PRKCE: variants seen among roughly 807,000 people sequenced by gnomAD.
PRKCE encodes protein kinase C epsilon type.
In PRKCE, 16 loss-of-function variants were observed where a neutral mutation model predicts 85.4. The ratio of observed to expected loss-of-function variants is 0.19; its 90% CI spans 0.13 to 0.28. The LOEUF (loss-of-function observed/expected upper bound fraction) is 0.28. Ranked by LOEUF, PRKCE falls within the 10% of genes least tolerant of loss-of-function variation. PRKCE has a pLI of 1.00. For synonymous variants in PRKCE, 388 were observed against 371.5 expected, an observed-to-expected ratio of 1.04 and a Z score of -0.51; for missense variants, 573 against 975.2, an observed-to-expected ratio of 0.59 and a Z score of 5.49.
At chr2:45,789,121 G>A (rs1247912313) in intron 1 of PRKCE, among the ~76,000 whole-genome samples, 3 of 152,094 alleles carry the variant, frequency 2.0e-5, no homozygotes, top group Non-Finnish European at 4.4e-5. Context: ...GGTTCTTGGT[G>A]GGGGAAGGTG....
At chr2:46,058,240 C>T (rs982304395) in intron 10 of PRKCE, among the ~76,000 whole-genome samples, 1 of 152,212 alleles carries the variant, frequency 6.6e-6, no homozygotes, top group Non-Finnish European at 1.5e-5. Context: ...AGGCTTCCCT[C>T]TTGGCAGGAC....
At chr2:46,088,556 A>G (rs534473690) in intron 11 of PRKCE, among the ~76,000 whole-genome samples, 28 of 152,098 alleles carry the variant, frequency 1.8e-4, no homozygotes, top group Non-Finnish European at 3.4e-4. Context: ...TAAACCTTCA[A>G]TCTTCCTTTA....
chr2:46,134,289 G>A (rs1015547801), intron 11 of PRKCE, among the ~76,000 whole-genome samples: 1 of 152,162 alleles, frequency 6.6e-6, no homozygotes, highest in Non-Finnish European at 1.5e-5. Context: ...CCCTTGTGGA[G>A]GATAGACACT....
chr2:45,831,109 A>G (rs1690387325), intron 1 of PRKCE, among the ~76,000 whole-genome samples: 1 of 152,218 alleles, frequency 6.6e-6, no homozygotes, highest in Non-Finnish European at 1.5e-5. Flanking sequence ...AATGCTGGGA[A>G]GACTCAAAGA....
At chr2:45,736,661 C>T (rs1386751291) in intron 1 of PRKCE, among the ~76,000 whole-genome samples, 1 of 152,204 alleles carries the variant, frequency 6.6e-6, no homozygotes, top group Non-Finnish European at 1.5e-5. Context: ...TGGGGCTATC[C>T]TCATTCCTCT....
chr2:45,901,102 A>G (rs1696546643), intron 2 of PRKCE, among the ~76,000 whole-genome samples: 2 of 152,250 alleles, frequency 1.3e-5, no homozygotes, highest in South Asian at 2.1e-4. Flanking sequence ...ATGAGCAGAA[A>G]TGATTTGATA....
chr2:45,829,472 G>A (rs1690222679), intron 1 of PRKCE, among the ~76,000 whole-genome samples: 1 of 152,186 alleles, frequency 6.6e-6, no homozygotes, highest in South Asian at 2.1e-4. Flanking sequence ...AAAGGGGGAA[G>A]TCTGTATTAA....
At chr2:45,742,273 C>A (rs1322659110) in intron 1 of PRKCE, among the ~76,000 whole-genome samples, 1 of 151,918 alleles carries the variant, frequency 6.6e-6, no homozygotes, top group South Asian at 2.1e-4. Context: ...AAACACCACA[C>A]AACTGGATTA....
At chr2:45,971,069 T>C (rs2104493935) in intron 2 of PRKCE, among the ~76,000 whole-genome samples, 1 of 152,280 alleles carries the variant, frequency 6.6e-6, no homozygotes, top group Non-Finnish European at 1.5e-5. Flanking sequence ...AAGTATACAA[T>C]GCAGTGTGTT....
intron 2 of PRKCE, among the ~76,000 whole-genome samples, chr2:45,873,117 G>A (rs931503341): frequency 3.9e-5 from 6 of 152,186 alleles, no homozygotes; most frequent in African/African-American, 9.6e-5. Flanking sequence ...AAACTGGAGC[G>A]ATGGCTCTCA....
At chr2:45,893,129 A>G (rs1349811519) in intron 2 of PRKCE, among the ~76,000 whole-genome samples, 1 of 152,152 alleles carries the variant, frequency 6.6e-6, no homozygotes, top group African/African-American at 2.4e-5. Flanking sequence ...ATGAGAAGGG[A>G]AAGTTAGGAA....
chr2:45,681,190 G>A (rs1356909102), intron 1 of PRKCE, among the ~76,000 whole-genome samples: 1 of 148,124 alleles, frequency 6.8e-6, no homozygotes, highest in Non-Finnish European at 1.5e-5. Flanking sequence ...TCGGGAGGCT[G>A]AGGCAGGAGA....
In PRKCE at chr2:46,145,676, G is replaced by T. The variant is rs55993112; in HGVS notation, c.1731+445G>T. On this transcript the variant is annotated intron_variant, in intron 12 of 14. Coordinates refer to ENST00000306156, the MANE Select transcript of PRKCE (RefSeq NM_005400.3). This position sits in a 1 kb window ranked among gnomAD's most constrained non-coding sequence, Gnocchi z 4.6. ...TGAGCCCAGGAGTTCAAGACCAGCCGGGGCAACATGGTGAAACCCTGTCTA... is the reference window on the plus strand; with the variant it reads ...TGAGCCCAGGAGTTCAAGACCAGCCTGGGCAACATGGTGAAACCCTGTCTA... 0.16 allele frequency among the ~76,000 whole-genome samples: 23,957 copies of T among 152,006 alleles called. 2,034 individuals carry two copies. Among genetic ancestry groups the T allele is most frequent in the Middle Eastern group, 0.27 (80 of 294 alleles).
chr2:46,117,995 C>G (rs1366657883), intron 11 of PRKCE, among the ~76,000 whole-genome samples: 2 of 152,150 alleles, frequency 1.3e-5, no homozygotes, highest in Non-Finnish European at 2.9e-5. Flanking sequence ...ATTTGTTCAC[C>G]TCTAAGATCT....
chr2:46,001,534 G>C lies in PRKCE; in HGVS notation c.954G>C (p.Gln318His). The change falls in exon 7 of 15, where the codon CAG (glutamine) becomes CAC (histidine). Residue 318 changes from glutamine to histidine, a missense_variant. Around this residue, in one of 11 missense-constraint regions of PRKCE, gnomAD observed 55 missense variants for 128.1 expected, o/e 0.43. Transcript: ENST00000306156. This position sits in a 1 kb window ranked among gnomAD's most constrained non-coding sequence, Gnocchi z 4.4. ...CAGACAAAATCACCAACAGCGGCCA[G>C]AGAAGGAAAAAGGTAACTGGCTGTT... Reference protein sequence around the residue: ...VTPDKITNSGQRRKKLIAGAE... With the variant: ...VTPDKITNSGHRRKKLIAGAE... The C allele has an allele frequency of 1.3e-6, 2 of 1,598,696 alleles. No individual in the cohort carries two copies. Among genetic ancestry groups the C allele is most frequent in the Middle Eastern group, 1.7e-4 (1 of 6,054 alleles).
chr2:45,948,133 C>G (rs1488190167), intron 2 of PRKCE, among the ~76,000 whole-genome samples: 6 of 152,308 alleles, frequency 3.9e-5, no homozygotes, highest in African/African-American at 1.4e-4. Context: ...AGAACAATCA[C>G]TTATTAGTGT....
At chr2:46,061,575 A>G (rs1667127861) in intron 10 of PRKCE, among the ~76,000 whole-genome samples, 1 of 152,168 alleles carries the variant, frequency 6.6e-6, no homozygotes, top group African/African-American at 2.4e-5. Flanking sequence ...CTTCCTTAAT[A>G]TGAATCCTGC....
intron 1 of PRKCE, among the ~76,000 whole-genome samples, chr2:45,749,133 GC>G (rs1466112395): frequency 6.6e-6 from 1 of 152,120 alleles, no homozygotes; most frequent in Non-Finnish European, 1.5e-5. Flanking sequence ...CAAGTGATCT[GC>G]TCACCTCAGC....
chr2:45,853,244 T>C (rs1488910181), intron 2 of PRKCE, among the ~76,000 whole-genome samples: 3 of 152,178 alleles, frequency 2.0e-5, no homozygotes, highest in Admixed American at 2.0e-4. Context: ...CCTTGGTTTT[T>C]TCATTCTGGC....
Sources: gnomAD v4.1 joint callset for allele counts (sites outside exome capture counted in the v4.1 genomes callset) on GRCh38, gnomAD v4.1.1 for gene constraint, gnomAD v4.1.1 regional missense constraint, Gnocchi (gnomAD v3.1) non-coding constraint, MANE v1.5 for transcripts, NCBI Gene and HGNC (gene_info 2026-07-23, HGNC 2026-07-21) for gene names.